POT1: variants seen among roughly 807,000 people sequenced by gnomAD.
POT1 encodes protection of telomeres protein 1.
Under a neutral mutation model 78.5 loss-of-function variants are expected in POT1, and 47 were observed. The observed-to-expected ratio is 0.60, with a 90% confidence interval of 0.47 to 0.76. POT1 has a LOEUF of 0.76. Ranked by LOEUF, POT1 falls within the 30% of genes least tolerant of loss-of-function variation. POT1 has a pLI of 0.00. For missense variants in POT1, 646 were observed against 749.9 expected, an observed-to-expected ratio of 0.86 and a Z score of 1.62; for synonymous variants, 259 against 260.7, an observed-to-expected ratio of 0.99 and a Z score of 0.06.
chr7:124,916,009 A>T (rs1236021381), intron 2 of POT1, among the ~76,000 whole-genome samples: 3 of 152,160 alleles, frequency 2.0e-5, no homozygotes, highest in African/African-American at 7.2e-5. Context: ...ATGAAAACTT[A>T]ATAAAGATTT....
intron 2 of POT1, among the ~76,000 whole-genome samples, chr7:124,918,820 T>C (rs1487731358): frequency 1.3e-5 from 2 of 152,176 alleles, no homozygotes; most frequent in Non-Finnish European, 2.9e-5. Context: ...TAAAGCTGAA[T>C]AGCTGCCCTA....
intron 15 of POT1, among the ~76,000 whole-genome samples, chr7:124,830,414 C>T (rs1342226092): frequency 6.6e-6 from 1 of 152,124 alleles, no homozygotes; most frequent in Non-Finnish European, 1.5e-5. Flanking sequence ...AGGGTAACCA[C>T]ATTACATCTT....
chr7:124,891,467 C>T lies in POT1; in HGVS notation c.124+799G>A, dbSNP rs558888428. 2.0e-5 allele frequency among the ~76,000 whole-genome samples: 3 copies of T among 151,494 alleles called. No individual in the cohort carries two copies. The South Asian group carries it at 6.2e-4, about 31-fold the overall frequency. ...TGTATCTCGTTTTTTTTAATGCACT[C>T]AGCTACTCTATGATTTTTTATTAGG... On this transcript the variant is annotated intron_variant, in intron 6 of 18. Coordinates refer to ENST00000357628, the MANE Select transcript of POT1 (RefSeq NM_015450.3).
At chr7:124,836,367 T>A (rs1794900626) in intron 14 of POT1, among the ~76,000 whole-genome samples, 1 of 152,134 alleles carries the variant, frequency 6.6e-6, no homozygotes, top group South Asian at 2.1e-4. Context: ...GAAGCCAGAG[T>A]TCTGCTATAT....
intron 3 of POT1, among the ~76,000 whole-genome samples, chr7:124,899,226 T>C (rs1796562380): frequency 6.6e-6 from 1 of 152,216 alleles, no homozygotes; most frequent in Non-Finnish European, 1.5e-5. Flanking sequence ...TCATTTCTAA[T>C]TCTGCTCTGT....
chr7:124,923,473 G>A (rs1047827577), intron 2 of POT1, among the ~76,000 whole-genome samples: 11 of 151,634 alleles, frequency 7.3e-5, no homozygotes, highest in Non-Finnish European at 1.3e-4. Context: ...ATGCGGTCAG[G>A]CAAAAATAGG....
At chr7:124,860,770 A>G (rs1238267160) in intron 8 of POT1, among the ~76,000 whole-genome samples, 1 of 150,964 alleles carries the variant, frequency 6.6e-6, no homozygotes, top group African/African-American at 2.4e-5. Context: ...CCCCTACCCC[A>G]CAACAGGCCC....
At chr7:124,914,873 C>T (rs10255209) in intron 3 of POT1, among the ~76,000 whole-genome samples, 94,155 of 151,960 alleles carry the variant, frequency 0.62, 29,497 homozygotes, top group African/African-American at 0.71. Flanking sequence ...GAAACAATTG[C>T]AACTCAATTT....
chr7:124,915,136 C>G (rs2116696457), intron 3 of POT1, among the ~76,000 whole-genome samples: 1 of 152,226 alleles, frequency 6.6e-6, no homozygotes, highest in Middle Eastern at 3.4e-3. Context: ...CTGATATATA[C>G]TTAGTAGTCA....
At chr7:124,846,847 T>G (rs1795179969) in intron 12 of POT1, 95 bp downstream of exon 12, 1 of 862,138 alleles carries the variant, frequency 1.2e-6, no homozygotes, top group Non-Finnish European at 1.9e-6. Flanking sequence ...ATATGTGTTC[T>G]ACTATTAGAA....
chr7:124,876,112 G>A (rs1795984178), intron 6 of POT1, among the ~76,000 whole-genome samples: 1 of 152,110 alleles, frequency 6.6e-6, no homozygotes, highest in African/African-American at 2.4e-5. Context: ...AGTCGACAAA[G>A]TTTTCAAAAG....
At chr7:124,918,686 G>A (rs912376911) in intron 2 of POT1, among the ~76,000 whole-genome samples, 1 of 152,156 alleles carries the variant, frequency 6.6e-6, no homozygotes, top group African/African-American at 2.4e-5. Context: ...GACTTCCAGA[G>A]AGACTGATGT....
chr7:124,823,925 T>C lies in POT1; in HGVS notation c.*37A>G, dbSNP rs753851214. The C allele has an allele frequency of 9.0e-6, 12 of 1,339,626 alleles. No individual in the cohort carries two copies. Among genetic ancestry groups the C allele is most frequent in the East Asian group, 2.3e-5 (1 of 43,000 alleles). The allele number at this position is 1,339,626 out of a possible 1,614,324, so 83.0% of individuals were successfully genotyped here. A position where few individuals can be genotyped will look rare whatever the true frequency, so the allele number is the denominator to read the frequency against. On this transcript the variant is annotated 3_prime_UTR_variant, in exon 19 of 19. Transcript: ENST00000357628. ...AAGAAGCTCAAACAGGGAAGGTGAG[T>C]GGCAACATTTTATGTATGCTAAATT... is the stretch of plus-strand genomic sequence containing the variant.
intron 9 of POT1, among the ~76,000 whole-genome samples, chr7:124,856,446 AT>A (rs1173141606): frequency 7.2e-6 from 1 of 139,834 alleles, no homozygotes; most frequent in Admixed American, 6.9e-5. Context: ...AGTGCCATAC[AT>A]TTTCTTAATT....
At chr7:124,852,936 T>G in intron 10 of POT1, 36 bp downstream of exon 10, 11 of 1,576,144 alleles carry the variant, frequency 7.0e-6, no homozygotes, top group Non-Finnish European at 9.5e-6. Flanking sequence ...GCTTAATCGA[T>G]ACCTTATTTA....
At chr7:124,912,911 T>G (rs1279495024) in intron 3 of POT1, among the ~76,000 whole-genome samples, 1 of 152,112 alleles carries the variant, frequency 6.6e-6, no homozygotes, top group Non-Finnish European at 1.5e-5. Context: ...TTCAAGCTGC[T>G]AAGACATACC....
intron 11 of POT1, among the ~76,000 whole-genome samples, chr7:124,850,383 A>G (rs1168932404): frequency 7.9e-5 from 12 of 152,214 alleles, no homozygotes; most frequent in Non-Finnish European, 1.5e-5. Context: ...TCAGTTTCCC[A>G]TTGTTTAAAG....
chr7:124,848,381 T>C (rs545456854), intron 11 of POT1, among the ~76,000 whole-genome samples: 2 of 152,250 alleles, frequency 1.3e-5, no homozygotes, highest in South Asian at 4.1e-4. Context: ...AAGAGGCACA[T>C]AGGCCAGGCA....
intron 2 of POT1, among the ~76,000 whole-genome samples, chr7:124,920,839 C>A (rs1221911516): frequency 6.6e-6 from 1 of 152,050 alleles, no homozygotes. Context: ...TGCCTGTAAT[C>A]CCAGCACTTT....
Sources: gnomAD v4.1 joint callset for allele counts (sites outside exome capture counted in the v4.1 genomes callset) on GRCh38, gnomAD v4.1.1 for gene constraint, MANE v1.5 for transcripts, NCBI Gene and HGNC (gene_info 2026-07-23, HGNC 2026-07-21) for gene names.